Variants in IAPP observed in about 807,000 individuals in gnomAD.
The protein encoded by IAPP is Islet amyloid polypeptide (diabetes-associated peptide; amylin).
A neutral mutation model predicts 2.9 loss-of-function variants in IAPP; 4 were observed. That is an observed-to-expected ratio of 1.39 (90% confidence interval 0.69 to 3.19). IAPP has a LOEUF of 3.19. Ranked by LOEUF, IAPP falls within the 30% of genes most tolerant of loss-of-function variation. The pLI is 0.01. For missense variants in IAPP, 114 were observed against 105.3 expected, an observed-to-expected ratio of 1.08 and a Z score of -0.36; for synonymous variants, 40 against 42.1, an observed-to-expected ratio of 0.95 and a Z score of 0.19.
intron 1 of IAPP, among the ~76,000 whole-genome samples, chr12:21,359,325 A>C (rs1484233432): frequency 6.6e-6 from 1 of 152,182 alleles, no homozygotes; most frequent in Non-Finnish European, 1.5e-5. Context: ...ACACTAGTTT[A>C]AAAACAGGGA....
chr12:21,364,312 A>G (rs144724097), intron 1 of IAPP, among the ~76,000 whole-genome samples: 3,614 of 152,334 alleles, frequency 0.024, 72 homozygotes, highest in Non-Finnish European at 0.038. Context: ...GATTATCTCA[A>G]TAGATGAAGA....
At chr12:21,368,844 G>A (rs529856021), upstream of IAPP, among the ~76,000 whole-genome samples, 9 of 152,180 alleles carry the variant, frequency 5.9e-5, no homozygotes, top group African/African-American at 1.7e-4. Context: ...ACTATTTTAC[G>A]ATAGTGATAG....
At chr12:21,363,252 C>A (rs1467357033) in intron 1 of IAPP, among the ~76,000 whole-genome samples, 1 of 152,030 alleles carries the variant, frequency 6.6e-6, no homozygotes, top group African/African-American at 2.4e-5. Context: ...CACTCAAAAC[C>A]GCTCAACTAC....
At chr12:21,370,367 T>C (rs1182200993), upstream of IAPP, among the ~76,000 whole-genome samples, 1 of 151,956 alleles carries the variant, frequency 6.6e-6, no homozygotes, top group African/African-American at 2.4e-5. Flanking sequence ...TTAGGGTACA[T>C]GTGCATAACG....
At chr12:21,366,216 G>A (rs930698851) in intron 1 of IAPP, among the ~76,000 whole-genome samples, 23 of 152,112 alleles carry the variant, frequency 1.5e-4, no homozygotes, top group Non-Finnish European at 1.3e-4. Context: ...ACATTATGCA[G>A]CCATAAAAAA....
chr12:21,368,704 C>A (rs1939571088), upstream of IAPP, among the ~76,000 whole-genome samples: 1 of 151,838 alleles, frequency 6.6e-6, no homozygotes, highest in African/African-American at 2.4e-5. Context: ...ATAGAGTGAG[C>A]AAGATAGATC....
At position 21,378,599 on chromosome 12, in the gene IAPP, T is replaced by C. The variant is rs970077589; in HGVS notation, c.*173T>C. ...ATATGTAGTACTAACTAAGGTCCCA[T>C]AATAAAAAGATAGTATCTTTTAAAA... On this transcript the variant is annotated 3_prime_UTR_variant, in exon 3 of 3. Coordinates refer to ENST00000240652, the MANE Select transcript of IAPP (RefSeq NM_000415.3). 7.3e-6 allele frequency: 4 copies of C among 545,262 alleles called. No individual in the cohort carries two copies. Among genetic ancestry groups the C allele is most frequent in the African/African-American group, 1.9e-5 (1 of 53,134 alleles). The allele number at this position is 545,262 out of a possible 1,614,324, so 33.8% of individuals were successfully genotyped here.
intron 2 of IAPP, among the ~76,000 whole-genome samples, chr12:21,375,403 G>T (rs12811082): frequency 0.2 from 29,974 of 151,894 alleles, 3,143 homozygotes; most frequent in African/African-American, 0.27. Flanking sequence ...AAAATCTATG[G>T]GGAAAATGTG....
chr12:21,379,204 G>T lies in IAPP; in HGVS notation c.*778G>T, dbSNP rs1056007. 0.17 allele frequency: 25,898 copies of T among 152,140 alleles called. 2,272 individuals are homozygous for T. The highest frequency in any genetic ancestry group is 0.18 in the Non-Finnish European group (12,423 of 68,000). 9.4% of individuals were successfully genotyped at this position (152,140 alleles called of 1,614,324 possible). A position where few individuals can be genotyped will look rare whatever the true frequency, so the allele number is the denominator to read the frequency against. On this transcript the variant is annotated 3_prime_UTR_variant, in exon 3 of 3. Transcript: ENST00000240652. ...GACAGAATGCTGTTTTAAAAACAAA[G>T]AAATAAAATCCTGCTCCTGACTCGG... is the stretch of plus-strand genomic sequence containing the variant.
chr12:21,377,113 A>G (rs1940255223), intron 2 of IAPP, among the ~76,000 whole-genome samples: 1 of 152,194 alleles, frequency 6.6e-6, no homozygotes, highest in African/African-American at 2.4e-5. Context: ...TGAGTTTATA[A>G]GTATTATTAT....
chr12:21,355,601 C>G (rs1938305369), intron 1 of IAPP, among the ~76,000 whole-genome samples: 1 of 152,022 alleles, frequency 6.6e-6, no homozygotes, highest in Admixed American at 6.6e-5. Context: ...TAAAGTGATC[C>G]TAGATGTTAG....
intron 1 of IAPP, among the ~76,000 whole-genome samples, chr12:21,359,243 A>G (rs967947804): frequency 6.6e-6 from 1 of 152,206 alleles, no homozygotes; most frequent in African/African-American, 2.4e-5. Flanking sequence ...ACAACAGTTT[A>G]ATTTCTGGAT....
intron 1 of IAPP, among the ~76,000 whole-genome samples, chr12:21,357,856 C>A (rs542555847): frequency 1.3e-5 from 2 of 152,116 alleles, no homozygotes; most frequent in African/African-American, 2.4e-5. Context: ...AACACATGTT[C>A]TTGCTTAAGA....
At chr12:21,368,476 T>C (rs1182301785), upstream of IAPP, among the ~76,000 whole-genome samples, 1 of 152,178 alleles carries the variant, frequency 6.6e-6, no homozygotes, top group Non-Finnish European at 1.5e-5. Flanking sequence ...TTAAATTTTT[T>C]TTTTTGTAGA....
At chr12:21,370,331 CTTTT>C (rs539121076), upstream of IAPP, among the ~76,000 whole-genome samples, 7 of 145,452 alleles carry the variant, frequency 4.8e-5, no homozygotes, top group South Asian at 2.2e-4. Context: ...TCTTCCTTTT[CTTTT>C]TTTTTTATTA....
chr12:21,356,874 T>C (rs1273511723), intron 1 of IAPP, among the ~76,000 whole-genome samples: 1 of 152,196 alleles, frequency 6.6e-6, no homozygotes, highest in Non-Finnish European at 1.5e-5. Context: ...AGAACTTTTG[T>C]ATCTTAAACA....
At chr12:21,363,343 C>T (rs368253653) in intron 1 of IAPP, among the ~76,000 whole-genome samples, 30 of 152,198 alleles carry the variant, frequency 2.0e-4, no homozygotes, top group African/African-American at 5.8e-4. Context: ...TTCTTTGAAA[C>T]GAATGAGAAC....
At chr12:21,365,838 A>C (rs1939332755) in intron 1 of IAPP, among the ~76,000 whole-genome samples, 8 of 152,226 alleles carry the variant, frequency 5.3e-5, no homozygotes. Flanking sequence ...GCACATCAAA[A>C]CCACAATGAG....
intron 1 of IAPP, among the ~76,000 whole-genome samples, chr12:21,359,150 T>C (rs1938613099): frequency 6.6e-6 from 1 of 152,286 alleles, no homozygotes; most frequent in Non-Finnish European, 1.5e-5. Context: ...GATTTTTATA[T>C]ACTTTAAGAC....
Sources: allele counts gnomAD v4.1 joint callset (sites outside exome capture counted in the v4.1 genomes callset), GRCh38; gene constraint gnomAD v4.1.1; transcripts MANE v1.5; gene names NCBI Gene and HGNC (gene_info 2026-07-23, HGNC 2026-07-21).